The following CLDN16 variants were observed in gnomAD, a reference collection of about 807,000 sequenced individuals.
CLDN16 encodes claudin-16.
CLDN16 carries 13 observed loss-of-function variants against 24.6 expected under a neutral mutation model. The observed-to-expected ratio is 0.53, with a 90% CI of 0.34 to 0.84. CLDN16 has a LOEUF of 0.84. Among genes scored for constraint, CLDN16 ranks in the 40% least tolerant of loss-of-function variants. CLDN16 has a pLI of 0.01. For synonymous variants in CLDN16, 116 were observed against 106.7 expected (o/e 1.09, Z -0.54); for missense variants, 298 against 292.7 (o/e 1.02, Z -0.13).
intron 1 of CLDN16, among the ~76,000 whole-genome samples, chr3:190,334,976 A>C (rs1002068347): frequency 2.1e-5 from 3 of 139,726 alleles, no homozygotes; most frequent in South Asian, 2.3e-4. Context: ...GAATTCTTTT[A>C]TTTTTCTTTT....
chr3:190,386,720 G>GTGTA (rs567248384), upstream of CLDN16, among the ~76,000 whole-genome samples: 344 of 152,238 alleles, frequency 2.3e-3, 2 homozygotes, highest in African/African-American at 7.6e-3. Flanking sequence ...AGCAGGGGTG[G>GTGTA]TACTGTAGAC....
chr3:190,339,926 G>T (rs970505198), intron 1 of CLDN16, among the ~76,000 whole-genome samples: 1 of 152,100 alleles, frequency 6.6e-6, no homozygotes, highest in Admixed American at 6.5e-5. Flanking sequence ...TTAAATATTA[G>T]CAAATCAAAT....
chr3:190,342,513 G>A (rs1295037207), intron 1 of CLDN16, among the ~76,000 whole-genome samples: 2 of 152,136 alleles, frequency 1.3e-5, no homozygotes, highest in Admixed American at 6.5e-5. Context: ...AACCAAAGAG[G>A]TGAAAGACCT....
chr3:190,371,262 G>A (rs1417957321), intron 2 of CLDN16, among the ~76,000 whole-genome samples: 1 of 151,212 alleles, frequency 6.6e-6, no homozygotes, highest in Non-Finnish European at 1.5e-5. Flanking sequence ...TGTCCCTTTA[G>A]AGAAACCTGA....
At chr3:190,338,964 G>A (rs58806135) in intron 1 of CLDN16, among the ~76,000 whole-genome samples, 1 of 152,096 alleles carries the variant, frequency 6.6e-6, no homozygotes. Flanking sequence ...GTCCTCAGCT[G>A]ATTGAAGCTA....
rs776452895 is a variant in CLDN16, at chr3:190,405,928, G to C, written c.382+1002G>C. 2.3e-4 allele frequency among the ~76,000 whole-genome samples: 35 copies of C among 152,244 alleles called. 1 individual carries two copies. Among genetic ancestry groups the C allele is most frequent in the Admixed American group, 6.5e-5 (1 of 15,292 alleles). On this transcript the variant is annotated intron_variant, in intron 3 of 4. Transcript: ENST00000264734. The stretch of plus-strand genomic sequence containing the variant: ...TTTTGCAACATAATGTCTTCTTCTT[G>C]TCTGTTAGCAGGAAAAATCTTGTCT...
chr3:190,350,074 C>G (rs1310218096), intron 1 of CLDN16, among the ~76,000 whole-genome samples: 1 of 152,052 alleles, frequency 6.6e-6, no homozygotes, highest in Non-Finnish European at 1.5e-5. Flanking sequence ...GATGAGCGGA[C>G]CAGGCACAGG....
intron 1 of CLDN16, among the ~76,000 whole-genome samples, chr3:190,338,534 G>A (rs116158735): frequency 2.5e-4 from 38 of 152,260 alleles, no homozygotes; most frequent in African/African-American, 6.3e-4. Flanking sequence ...TGGCAAGTGC[G>A]TGGTAACTAG....
intron 1 of CLDN16, among the ~76,000 whole-genome samples, chr3:190,396,323 A>G (rs1433088363): frequency 1.3e-5 from 2 of 152,194 alleles, no homozygotes; most frequent in South Asian, 2.1e-4. Flanking sequence ...AATCAATGTA[A>G]GCTCTTCAGT....
the CLDN16 span, among the ~76,000 whole-genome samples, chr3:190,303,140 A>G: frequency 2.7e-3 from 409 of 152,336 alleles, 3 homozygotes; most frequent in South Asian, 0.015. Context: ...CACAAAAAAT[A>G]ATTTTAAAAC....
At chr3:190,313,505 T>C in the CLDN16 span, among the ~76,000 whole-genome samples, 1 of 152,188 alleles carries the variant, frequency 6.6e-6, no homozygotes, top group Non-Finnish European at 1.5e-5. Context: ...ATCAATAAGC[T>C]TCAGAAAAAC....
At chr3:190,355,158 GTC>G (rs1167923463) in intron 1 of CLDN16, among the ~76,000 whole-genome samples, 1 of 151,792 alleles carries the variant, frequency 6.6e-6, no homozygotes, top group African/African-American at 2.4e-5. Context: ...TGGTAATCTG[GTC>G]TCTCTTTCTC....
chr3:190,293,398 A>G, the CLDN16 span, among the ~76,000 whole-genome samples: 33 of 152,364 alleles, frequency 2.2e-4, no homozygotes, highest in African/African-American at 7.5e-4. Flanking sequence ...TGTAATATAT[A>G]GGACCTTGTA....
At chr3:190,313,172 G>A in the CLDN16 span, 1 of 943,558 alleles carries the variant, frequency 1.1e-6, no homozygotes, top group Admixed American at 2.1e-5. Context: ...CAGTCATACT[G>A]ATGTTTCCGC....
chr3:190,329,221 G>A (rs183678652), intron 1 of CLDN16, among the ~76,000 whole-genome samples: 2 of 152,290 alleles, frequency 1.3e-5, no homozygotes, highest in East Asian at 3.9e-4. Context: ...TATGTCAAAG[G>A]CGGGACATTG....
chr3:190,334,977 TTTTTC>T (rs1413946477), intron 1 of CLDN16, among the ~76,000 whole-genome samples: 1 of 152,062 alleles, frequency 6.6e-6, no homozygotes, highest in Non-Finnish European at 1.5e-5. Context: ...AATTCTTTTA[TTTTTC>T]TTTTCTTTTC....
At position 190,359,712 on chromosome 3, in the gene CLDN16, TG is replaced by T. The variant is rs376436161; in HGVS notation, n.122-11180del. ...CTTGTTCAAAGTAGCATGGGAGCAC[TG>T]AAGAAGAGTGCTTCAGCGAGCCAGG... On this transcript the variant is annotated intron_variant and non_coding_transcript_variant, in intron 1 of 4. Coordinates refer to the CLDN16 transcript ENST00000468220. 1.5e-3 allele frequency among the ~76,000 whole-genome samples: 234 copies of T among 152,094 alleles called. 1 individual carries two copies. The highest frequency in any genetic ancestry group is 5.4e-3 in the African/African-American group (226 of 41,534).
At chr3:190,353,206 TGCC>T (rs1717704228) in intron 1 of CLDN16, among the ~76,000 whole-genome samples, 2 of 152,116 alleles carry the variant, frequency 1.3e-5, no homozygotes, top group Non-Finnish European at 2.9e-5. Context: ...TGTAAGACTA[TGCC>T]ACCTTCATCC....
At chr3:190,310,847 A>G in the CLDN16 span, among the ~76,000 whole-genome samples, 1 of 152,182 alleles carries the variant, frequency 6.6e-6, no homozygotes, top group African/African-American at 2.4e-5. Context: ...ACATCAGATC[A>G]ATTTATGCAA....
Sources: allele counts gnomAD v4.1 joint callset (sites outside exome capture counted in the v4.1 genomes callset), GRCh38; gene constraint gnomAD v4.1.1; transcripts MANE v1.5; gene names NCBI Gene and HGNC (gene_info 2026-07-23, HGNC 2026-07-21).